The following TENM4 variants were observed in gnomAD, a reference collection of about 807,000 sequenced individuals.
TENM4 encodes the protein teneurin-4.
A neutral mutation model predicts 243.3 loss-of-function variants in TENM4; 82 were observed. The ratio of observed to expected loss-of-function variants is 0.34; its 90% CI spans 0.28 to 0.40. TENM4 has a LOEUF of 0.40. Among genes scored for constraint, TENM4 ranks in the 10% least tolerant of loss-of-function variants. TENM4 has a pLI of 1.00. For missense variants in TENM4, 3,138 were observed against 3,673.3 expected (o/e 0.85, Z 3.77); for synonymous variants, 1,412 against 1,456.3 (o/e 0.97, Z 0.69).
At chr11:79,306,153 G>A (rs1307260010) in intron 1 of TENM4, among the ~76,000 whole-genome samples, 2 of 152,198 alleles carry the variant, frequency 1.3e-5, no homozygotes, top group African/African-American at 2.4e-5. Flanking sequence ...TGATGTTTTT[G>A]TGTGGATCCT....
chr11:79,107,501 G>A (rs1290379520), intron 4 of TENM4, among the ~76,000 whole-genome samples: 1 of 152,144 alleles, frequency 6.6e-6, no homozygotes, highest in African/African-American at 2.4e-5. Flanking sequence ...TCAAGACTCA[G>A]CTAGGATATC....
chr11:79,115,764 A>AGTGAAGAG (rs1368059549), intron 4 of TENM4, among the ~76,000 whole-genome samples: 1 of 152,216 alleles, frequency 6.6e-6, no homozygotes, highest in Non-Finnish European at 1.5e-5. Flanking sequence ...GGCACAGATG[A>AGTGAAGAG]GTGAAGAGGG....
intron 6 of TENM4, among the ~76,000 whole-genome samples, chr11:78,923,827 A>C (rs528424798): frequency 7.1e-6 from 1 of 140,374 alleles, no homozygotes; most frequent in African/African-American, 2.6e-5. Context: ...AGCATGAGCC[A>C]CCATACCTCG....
At chr11:78,981,781 T>C (rs1478024315) in intron 6 of TENM4, among the ~76,000 whole-genome samples, 1 of 152,094 alleles carries the variant, frequency 6.6e-6, no homozygotes, top group African/African-American at 2.4e-5. Context: ...CATCTTAAGA[T>C]CTCCTACCTC....
intron 1 of TENM4, among the ~76,000 whole-genome samples, chr11:79,370,839 G>A (rs1449300553): frequency 7.6e-5 from 9 of 117,944 alleles, no homozygotes; most frequent in African/African-American, 1.3e-4. Flanking sequence ...CAGAATTAAC[G>A]TTTTTGCTTA....
chr11:78,969,946 T>C (rs1215038497), intron 6 of TENM4, among the ~76,000 whole-genome samples: 1 of 152,254 alleles, frequency 6.6e-6, no homozygotes, highest in Non-Finnish European at 1.5e-5. Flanking sequence ...ACTGCCCTGA[T>C]GGATTCAACC....
chr11:78,797,273 G>C (rs760293089), intron 15 of TENM4, among the ~76,000 whole-genome samples: 4 of 152,182 alleles, frequency 2.6e-5, no homozygotes, highest in Non-Finnish European at 5.9e-5. Context: ...TGTATTTGCT[G>C]TTTGAATAAG....
chr11:78,879,899 G>C (rs552515449), intron 9 of TENM4, among the ~76,000 whole-genome samples: 2 of 152,124 alleles, frequency 1.3e-5, no homozygotes, highest in Non-Finnish European at 2.9e-5. Flanking sequence ...CGTCTGGGAA[G>C]TGAGGAGCAC....
At chr11:78,935,005 T>TTTTTC (rs1404752402) in intron 6 of TENM4, among the ~76,000 whole-genome samples, 6 of 127,492 alleles carry the variant, frequency 4.7e-5, no homozygotes, top group African/African-American at 1.8e-4. Flanking sequence ...AACTTTTTTT[T>TTTTTC]TTTTTTTTTT....
chr11:78,687,055 C>A (rs1858696845), intron 29 of TENM4, among the ~76,000 whole-genome samples: 6 of 152,204 alleles, frequency 3.9e-5, no homozygotes, highest in Admixed American at 3.9e-4. Context: ...ATCGACTGAG[C>A]AGCCCTGTGG....
intron 2 of TENM4, among the ~76,000 whole-genome samples, chr11:79,281,460 T>C (rs895692825): frequency 6.6e-6 from 1 of 152,222 alleles, no homozygotes; most frequent in Non-Finnish European, 1.5e-5. Context: ...TTAGTTTTAA[T>C]TTATCACGAC....
At chr11:79,146,265 A>C (rs7119070) in intron 4 of TENM4, among the ~76,000 whole-genome samples, 1 of 151,902 alleles carries the variant, frequency 6.6e-6, no homozygotes, top group East Asian at 1.9e-4. Context: ...ATCCACACCA[A>C]CATTGGCCTG....
chr11:79,365,979 G>T (rs1857668806), intron 1 of TENM4, among the ~76,000 whole-genome samples: 1 of 152,186 alleles, frequency 6.6e-6, no homozygotes, highest in Non-Finnish European at 1.5e-5. Context: ...TGGGCTCTAA[G>T]CAAGAGAGCC....
At chr11:78,783,185 C>G (rs1025232149) in intron 16 of TENM4, among the ~76,000 whole-genome samples, 2 of 152,084 alleles carry the variant, frequency 1.3e-5, no homozygotes, top group African/African-American at 4.8e-5. Context: ...TTAAATTTAA[C>G]TACGATTTTC....
chr11:79,138,799 T>C (rs56273931), intron 4 of TENM4, among the ~76,000 whole-genome samples: 7 of 104,672 alleles, frequency 6.7e-5, no homozygotes, highest in Non-Finnish European at 1.1e-4. Context: ...TATAAATACA[T>C]AAAACATACA....
At chr11:79,252,949 T>C (rs1385136520) in intron 2 of TENM4, among the ~76,000 whole-genome samples, 3 of 152,222 alleles carry the variant, frequency 2.0e-5, no homozygotes, top group East Asian at 1.9e-4. Flanking sequence ...TAATGCAGCA[T>C]GATTGTGACA....
At position 78,805,281 on chromosome 11, in the gene TENM4, C is replaced by CACCCACCA; in HGVS notation, c.2179+10_2179+11insTGGTGGGT. The stretch of plus-strand genomic sequence containing the variant: ...TCCCTCTACCCATGCTTCTTCTCCC[C>CACCCACCA]CTGCATTTACCGATAGAACAGTCGT... On this transcript the variant is annotated intron_variant, in intron 15 of 33. Transcript: ENST00000278550. 383 of 1,487,442 alleles carry CACCCACCA rather than the reference C, an allele frequency of 2.6e-4. No homozygotes were observed. The highest frequency in any genetic ancestry group is 3.8e-4 in the Middle Eastern group (2 of 5,282). 92.1% of individuals were successfully genotyped at this position (1,487,442 alleles called of 1,614,324 possible). A position where few individuals can be genotyped will look rare whatever the true frequency, so the allele number is the denominator to read the frequency against.
chr11:78,934,733 T>C (rs1326468322), intron 6 of TENM4, among the ~76,000 whole-genome samples: 1 of 152,154 alleles, frequency 6.6e-6, no homozygotes, highest in African/African-American at 2.4e-5. Flanking sequence ...AAGTAGGCGG[T>C]GGGAGATGTG....
rs559554622 is a variant in TENM4, at chr11:79,275,529, C to A, written c.-265+21959G>T. 2.1e-4 allele frequency among the ~76,000 whole-genome samples: 32 copies of A among 152,322 alleles called. No individual in the cohort carries two copies. The South Asian group carries it at 6.6e-3, about 32-fold the overall frequency. ...TTGAGAGCAACACAACTCCACCAGG[C>A]AGGTACTCACACCCTTGGTTTCCTC... is the stretch of plus-strand genomic sequence containing the variant. On this transcript the variant is annotated intron_variant, in intron 2 of 33. Transcript: ENST00000278550.
Sources: allele counts gnomAD v4.1 joint callset (sites outside exome capture counted in the v4.1 genomes callset), GRCh38; gene constraint gnomAD v4.1.1; transcripts MANE v1.5; gene names NCBI Gene and HGNC (gene_info 2026-07-23, HGNC 2026-07-21).